Variants in CTNNA3 observed in about 807,000 individuals in gnomAD.
CTNNA3 encodes the protein catenin alpha 3, also known as catenin alpha-3.
A neutral mutation model predicts 95.7 loss-of-function variants in CTNNA3; 76 were observed. The ratio of observed to expected loss-of-function variants is 0.79; its 90% confidence interval spans 0.66 to 0.96. The LOEUF (loss-of-function observed/expected upper bound fraction) is 0.96, where lower values mean the gene tolerates loss of function less well. Among genes scored for constraint, CTNNA3 ranks in the 40% least tolerant of loss-of-function variants. CTNNA3 has a pLI of 0.00. For synonymous variants in CTNNA3, 431 were observed against 374.4 expected, an observed-to-expected ratio of 1.15 and a Z score of -1.74; for missense variants, 1,191 against 1,089.8, an observed-to-expected ratio of 1.09 and a Z score of -1.31.
intron 10 of CTNNA3, among the ~76,000 whole-genome samples, chr10:66,609,448 A>G (rs1026874309): frequency 8.0e-5 from 12 of 150,702 alleles, no homozygotes; most frequent in African/African-American, 2.9e-4. Flanking sequence ...TGGGCAAGGT[A>G]CATGAACACT....
At chr10:67,584,333 C>T (rs1842539978) in intron 3 of CTNNA3, among the ~76,000 whole-genome samples, 1 of 152,192 alleles carries the variant, frequency 6.6e-6, no homozygotes, top group Non-Finnish European at 1.5e-5. Context: ...TGGAGGTCCA[C>T]TCCAGACCCT....
chr10:66,543,909 GTGTATA>G (rs1433008228), intron 10 of CTNNA3, among the ~76,000 whole-genome samples: 12 of 9,692 alleles, frequency 1.2e-3, no homozygotes, highest in African/African-American at 3.0e-3. Context: ...ATGTGTGTGT[GTGTATA>G]TATATATATA....
chr10:65,980,311 A>G (rs1228168928), intron 16 of CTNNA3, among the ~76,000 whole-genome samples: 1 of 151,932 alleles, frequency 6.6e-6, no homozygotes, highest in African/African-American at 2.4e-5. Flanking sequence ...AATAATATGC[A>G]GCGAGATTGA....
At chr10:67,391,449 A>AG (rs1273767492) in intron 5 of CTNNA3, among the ~76,000 whole-genome samples, 1 of 152,194 alleles carries the variant, frequency 6.6e-6, no homozygotes, top group Non-Finnish European at 1.5e-5. Context: ...ATGGGTAGGA[A>AG]AATCAATATC....
chr10:66,858,896 GATTTTGCTT>G (rs1411958492), intron 7 of CTNNA3, among the ~76,000 whole-genome samples: 1 of 151,712 alleles, frequency 6.6e-6, no homozygotes, highest in Non-Finnish European at 1.5e-5. Context: ...GTTCAGCTCT[GATTTTGCTT>G]ATTTCTTATG....
chr10:66,409,341 T>C (rs964734536), intron 11 of CTNNA3, among the ~76,000 whole-genome samples: 1 of 152,100 alleles, frequency 6.6e-6, no homozygotes, highest in Non-Finnish European at 1.5e-5. Context: ...CTTCTGAATT[T>C]TCACTTCACC....
chr10:66,201,350 T>A (rs1219811138), intron 13 of CTNNA3, among the ~76,000 whole-genome samples: 1 of 152,196 alleles, frequency 6.6e-6, no homozygotes, highest in Non-Finnish European at 1.5e-5. Flanking sequence ...TACCACCTTT[T>A]TCGGTTGGTG....
At chr10:66,044,153 C>A (rs1426546258) in intron 15 of CTNNA3, among the ~76,000 whole-genome samples, 2 of 152,038 alleles carry the variant, frequency 1.3e-5, no homozygotes, top group East Asian at 3.9e-4. Flanking sequence ...TGCCACCATG[C>A]CCGGCTAATT....
intron 12 of CTNNA3, among the ~76,000 whole-genome samples, chr10:66,292,287 T>C (rs1209081903): frequency 6.6e-6 from 1 of 152,110 alleles, no homozygotes; most frequent in East Asian, 1.9e-4. Context: ...TGCTCAGTAA[T>C]TATGCACTGA....
intron 9 of CTNNA3, among the ~76,000 whole-genome samples, chr10:66,711,194 G>A (rs1848278875): frequency 6.7e-6 from 1 of 149,236 alleles, no homozygotes; most frequent in Non-Finnish European, 1.5e-5. Flanking sequence ...AAGCAATACA[G>A]GACCTGGAAT....
intron 10 of CTNNA3, among the ~76,000 whole-genome samples, chr10:66,575,178 G>C (rs566581295): frequency 6.6e-6 from 1 of 152,068 alleles, no homozygotes; most frequent in Non-Finnish European, 1.5e-5. Flanking sequence ...GGGAGGAGGG[G>C]AGAGAAAAAG....
At chr10:66,229,783 T>G (rs549976168) in intron 13 of CTNNA3, among the ~76,000 whole-genome samples, 1 of 152,152 alleles carries the variant, frequency 6.6e-6, no homozygotes, top group Non-Finnish European at 1.5e-5. Flanking sequence ...TAGGACATTT[T>G]TAGCTATTAT....
At chr10:67,230,057 C>T (rs890486381) in intron 5 of CTNNA3, among the ~76,000 whole-genome samples, 3 of 152,148 alleles carry the variant, frequency 2.0e-5, no homozygotes, top group African/African-American at 7.2e-5. Context: ...TATCACACCA[C>T]CTGATTTCAA....
At chr10:66,736,841 T>A (rs1253777301) in intron 9 of CTNNA3, among the ~76,000 whole-genome samples, 1 of 152,200 alleles carries the variant, frequency 6.6e-6, no homozygotes, top group Non-Finnish European at 1.5e-5. Flanking sequence ...GTTGCTTATA[T>A]GGCTTACAAT....
intron 10 of CTNNA3, among the ~76,000 whole-genome samples, chr10:66,603,244 C>T (rs536832733): frequency 1.2e-4 from 19 of 152,190 alleles, no homozygotes; most frequent in African/African-American, 4.6e-4. Context: ...AGCAAAGCTT[C>T]AGGATACAAA....
At chr10:67,253,447 A>G (rs1564514235) in intron 5 of CTNNA3, among the ~76,000 whole-genome samples, 1 of 152,218 alleles carries the variant, frequency 6.6e-6, no homozygotes, top group Non-Finnish European at 1.5e-5. Flanking sequence ...CCATGCAAGT[A>G]GAAAGATACA....
chr10:67,477,689 C>A (rs1365276603), intron 5 of CTNNA3, among the ~76,000 whole-genome samples: 6 of 152,146 alleles, frequency 3.9e-5, no homozygotes, highest in African/African-American at 1.4e-4. Flanking sequence ...AAGAAAATAT[C>A]CTCCCTGCAA....
At chr10:65,994,821 G>C (rs1344742817) in intron 15 of CTNNA3, among the ~76,000 whole-genome samples, 1 of 152,040 alleles carries the variant, frequency 6.6e-6, no homozygotes, top group Non-Finnish European at 1.5e-5. Context: ...AGCCCCATTT[G>C]TTACACAGGA....
chr10:67,003,496 C>T (rs536869960), intron 7 of CTNNA3, among the ~76,000 whole-genome samples: 88 of 152,304 alleles, frequency 5.8e-4, no homozygotes, highest in Non-Finnish European at 8.8e-4. Context: ...GGAAACTTTG[C>T]ATACTATATT....
Sources: allele counts gnomAD v4.1 joint callset (sites outside exome capture counted in the v4.1 genomes callset), GRCh38; gene constraint gnomAD v4.1.1; transcripts MANE v1.5; gene names NCBI Gene and HGNC (gene_info 2026-07-23, HGNC 2026-07-21).